The following BTBD10 variants were observed in gnomAD, a reference collection of about 807,000 sequenced individuals.
The protein encoded by BTBD10 is BTB domain containing 10, also known as BTB/POZ domain-containing protein 10.
Under a neutral mutation model 53.2 loss-of-function variants are expected in BTBD10, and 21 were observed. That is an observed-to-expected ratio of 0.39 (90% CI 0.28 to 0.57). BTBD10 has a LOEUF of 0.57. BTBD10 is among the 20% of genes least tolerant of loss of function. The pLI is 0.53. For synonymous variants in BTBD10, 149 were observed against 192.7 expected (o/e 0.77, Z 1.88); for missense variants, 360 against 594.7 (o/e 0.61, Z 4.10).
chr11:13,416,705 G>A (rs1222669255), intron 5 of BTBD10, among the ~76,000 whole-genome samples: 4 of 151,994 alleles, frequency 2.6e-5, no homozygotes, highest in Non-Finnish European at 4.4e-5. Flanking sequence ...GCATGGCATG[G>A]TGGCTCAATG....
chr11:13,460,208 T>C (rs1186274728), intron 1 of BTBD10, among the ~76,000 whole-genome samples: 1 of 152,224 alleles, frequency 6.6e-6, no homozygotes, highest in Non-Finnish European at 1.5e-5. Flanking sequence ...ACCAGTATTC[T>C]ATGTAGTCTC....
intron 5 of BTBD10, among the ~76,000 whole-genome samples, 152 bp downstream of exon 5, chr11:13,417,005 CA>C (rs1236821194): frequency 6.6e-6 from 1 of 151,950 alleles, no homozygotes; most frequent in Admixed American, 6.6e-5. Context: ...AAAATATAAA[CA>C]AAATAAAATA....
chr11:13,408,638 C>A (rs1949876648), intron 6 of BTBD10, among the ~76,000 whole-genome samples: 1 of 152,112 alleles, frequency 6.6e-6, no homozygotes. Flanking sequence ...CATGAAGTCT[C>A]CCCCATCTCA....
chr11:13,437,672 A>G (rs1451506532), intron 2 of BTBD10, among the ~76,000 whole-genome samples: 1 of 152,226 alleles, frequency 6.6e-6, no homozygotes, highest in African/African-American at 2.4e-5. Context: ...TAACTGCATC[A>G]GAGAAAAATC....
chr11:13,410,853 T>TA, intron 6 of BTBD10, among the ~76,000 whole-genome samples: 1 of 152,214 alleles, frequency 6.6e-6, no homozygotes, highest in East Asian at 1.9e-4. Flanking sequence ...AAGAAAATGA[T>TA]AAAACTCTAC....
At chr11:13,397,593 G>A (rs1298233315) in intron 8 of BTBD10, among the ~76,000 whole-genome samples, 2 of 152,120 alleles carry the variant, frequency 1.3e-5, no homozygotes, top group Admixed American at 1.3e-4. Flanking sequence ...GCTTTTGAAT[G>A]TGTTTGCTCT....
chr11:13,425,511 A>T (rs1950318466), intron 2 of BTBD10, among the ~76,000 whole-genome samples: 1 of 152,208 alleles, frequency 6.6e-6, no homozygotes, highest in African/African-American at 2.4e-5. Context: ...GAACTGACAC[A>T]TACGTTAGAA....
intron 1 of BTBD10, among the ~76,000 whole-genome samples, chr11:13,457,481 A>C (rs1405311443): frequency 6.6e-6 from 1 of 152,240 alleles, no homozygotes; most frequent in East Asian, 1.9e-4. Flanking sequence ...ACAGCAAAAA[A>C]CAGGTAGGTA....
intron 6 of BTBD10, among the ~76,000 whole-genome samples, chr11:13,406,601 G>T (rs570605396): frequency 1.6e-4 from 20 of 128,984 alleles, no homozygotes; most frequent in African/African-American, 3.9e-4. Context: ...CAGAGAGTGA[G>T]CCAGAGAGAG....
rs566616105 is a variant in BTBD10, at chr11:13,450,203, A to C, written c.-57-5022T>G. Among the ~76,000 whole-genome samples, 8 of 152,292 alleles carry C rather than the reference A, an allele frequency of 5.3e-5. No individual in the cohort carries two copies. The East Asian group carries it at 1.5e-3, about 29-fold the overall frequency. On this transcript the variant is annotated intron_variant, in intron 1 of 8. Coordinates refer to ENST00000278174, the MANE Select transcript of BTBD10 (RefSeq NM_032320.7). ...GAGGTCCAAATATCCAAATATATGG[A>C]TGGTAAAGACTGACCAGGAGGAAGC...
At chr11:13,419,343 T>C in intron 4 of BTBD10, 117 bp downstream of exon 4, 2 of 1,323,318 alleles carry the variant, frequency 1.5e-6, no homozygotes, top group South Asian at 1.5e-5. Context: ...AGTTCTTTCA[T>C]CTGTAAAACA....
intron 8 of BTBD10, among the ~76,000 whole-genome samples, chr11:13,399,863 A>T (rs935116456): frequency 1.3e-5 from 2 of 152,104 alleles, no homozygotes; most frequent in Non-Finnish European, 2.9e-5. Flanking sequence ...AGAACAGCAG[A>T]TATTGGTGAA....
intron 2 of BTBD10, among the ~76,000 whole-genome samples, chr11:13,428,695 C>G (rs1950392541): frequency 6.6e-6 from 1 of 151,962 alleles, no homozygotes; most frequent in Non-Finnish European, 1.5e-5. Context: ...TAATCAAAGA[C>G]CAAATGCTCT....
At chr11:13,395,603 A>G (rs1023713325) in intron 8 of BTBD10, among the ~76,000 whole-genome samples, 2 of 152,192 alleles carry the variant, frequency 1.3e-5, no homozygotes, top group African/African-American at 4.8e-5. Context: ...TTAGACATGA[A>G]GTCCTTGCCC....
chr11:13,436,211 C>G (rs1021055709), intron 2 of BTBD10, among the ~76,000 whole-genome samples: 1 of 152,220 alleles, frequency 6.6e-6, no homozygotes, highest in Admixed American at 6.5e-5. Context: ...AGTTCTGACT[C>G]TTAGGCTGTT....
At chr11:13,435,526 T>A (rs1950530774) in intron 2 of BTBD10, among the ~76,000 whole-genome samples, 1 of 152,220 alleles carries the variant, frequency 6.6e-6, no homozygotes. Context: ...ATAGTCTCGC[T>A]CTGTCGCCCA....
intron 2 of BTBD10, among the ~76,000 whole-genome samples, chr11:13,432,780 A>C (rs1263539636): frequency 1.3e-5 from 2 of 152,088 alleles, no homozygotes; most frequent in Admixed American, 6.6e-5. Flanking sequence ...AAAATACTGA[A>C]TATATCCTTA....
Position 13,421,753 on chromosome 11 carries a change from C to A in BTBD10, c.187G>T (p.Asp63Tyr). ...GASGGHERSR[D>Y]RRRSSDRSRD... ...GATCTGTCACTTGACCTTCGTCTAT[C>A]TCTTGATCTCTCATGTCCCCCACTA... Residue 63 changes from aspartate to tyrosine, a missense_variant, in exon 3 of 9, where the codon GAT becomes TAT. Asp to Tyr is a radical substitution (Grantham distance 160). Around this residue, in one of 6 missense-constraint regions of BTBD10, gnomAD observed 81 missense variants for 82.6 expected, o/e 0.98. Transcript: ENST00000278174. 6.2e-7 allele frequency: 1 copy of A among 1,614,108 alleles called. No individual in the cohort carries two copies. Among genetic ancestry groups the A allele is most frequent in the Non-Finnish European group, 8.5e-7 (1 of 1,179,996 alleles).
chr11:13,404,499 G>A (rs74952609), intron 7 of BTBD10: 18,128 of 587,888 alleles, frequency 0.031, 302 homozygotes, highest in Non-Finnish European at 0.035. Context: ...CTTTTGAAAA[G>A]TAAAATGTAA....
Sources: allele counts gnomAD v4.1 joint callset (sites outside exome capture counted in the v4.1 genomes callset), GRCh38; gene constraint gnomAD v4.1.1; regional missense constraint gnomAD v4.1.1; transcripts MANE v1.5; gene names NCBI Gene and HGNC (gene_info 2026-07-23, HGNC 2026-07-21).